The following PRRT1B variants were observed in gnomAD, a reference collection of about 807,000 sequenced individuals.
PRRT1B encodes dispanin subfamily D member 2.
chr9:131,552,657 G>GT (rs975740845), intron 1 of PRRT1B, among the ~76,000 whole-genome samples: 29 of 148,944 alleles, frequency 1.9e-4, no homozygotes, highest in African/African-American at 6.1e-4. Context: ...TGCAGTTTGG[G>GT]GGGGAGCCCA....
chr9:131,548,158 C>T (rs1326564522), intron 1 of PRRT1B, among the ~76,000 whole-genome samples: 1 of 151,974 alleles, frequency 6.6e-6, no homozygotes, highest in South Asian at 2.1e-4. Flanking sequence ...CCAACCCATT[C>T]TCTCTGTGTC....
At chr9:131,554,585 C>T in exon 2 of PRRT1B, 2 of 396,210 alleles carry the variant, frequency 5.0e-6, no homozygotes, top group African/African-American at 2.1e-5. Flanking sequence ...GCGGCAGCCC[C>T]GCCACCCCCG....
Sources: allele counts gnomAD v4.1 joint callset (sites outside exome capture counted in the v4.1 genomes callset), GRCh38; gene constraint gnomAD v4.1.1; transcripts MANE v1.5; gene names NCBI Gene and HGNC (gene_info 2026-07-23, HGNC 2026-07-21).